SNTG1: variants seen among roughly 807,000 people sequenced by gnomAD.
SNTG1 encodes the protein syntrophin gamma 1, also known as gamma-1-syntrophin.
A neutral mutation model predicts 74.7 loss-of-function variants in SNTG1; 39 were observed. The ratio of observed to expected loss-of-function variants is 0.52; its 90% CI spans 0.40 to 0.68. SNTG1 has a LOEUF of 0.68. Ranked by LOEUF, SNTG1 falls within the 30% of genes least tolerant of loss-of-function variation. SNTG1 has a pLI of 0.00. For missense variants in SNTG1, 685 were observed against 609.5 expected, an observed-to-expected ratio of 1.12 and a Z score of -1.30; for synonymous variants, 254 against 217.1, an observed-to-expected ratio of 1.17 and a Z score of -1.49.
At chr8:50,759,467 T>C (rs1171853963) in intron 18 of SNTG1, among the ~76,000 whole-genome samples, 1 of 152,064 alleles carries the variant, frequency 6.6e-6, no homozygotes, top group Admixed American at 6.6e-5. Flanking sequence ...CTTTAATCCA[T>C]CTTGAGTTAA....
chr8:50,732,117 C>G (rs1484933243), intron 17 of SNTG1, among the ~76,000 whole-genome samples: 3 of 151,958 alleles, frequency 2.0e-5, no homozygotes, highest in Non-Finnish European at 2.9e-5. Flanking sequence ...AATACACATT[C>G]TTATAGCCAG....
intron 17 of SNTG1, among the ~76,000 whole-genome samples, chr8:50,720,370 A>G (rs942576308): frequency 1.3e-5 from 2 of 152,196 alleles, no homozygotes; most frequent in African/African-American, 2.4e-5. Context: ...TATTACCACA[A>G]TATCTTCCAA....
At chr8:50,191,290 T>A in intron 2 of SNTG1, among the ~76,000 whole-genome samples, 1 of 152,166 alleles carries the variant, frequency 6.6e-6, no homozygotes, top group Non-Finnish European at 1.5e-5. Flanking sequence ...GTAACAGATA[T>A]TTTATCCTTT....
Position 50,059,257 on chromosome 8 carries a change from T to G in SNTG1, c.-102-113304T>G, listed in dbSNP as rs138667142. Among the ~76,000 whole-genome samples the G allele has an allele frequency of 5.3e-3, 813 of 152,258 alleles. 10 individuals are homozygous for G. Among genetic ancestry groups the G allele is most frequent in the African/African-American group, 0.015 (633 of 41,560 alleles). ...TAAGTTTTCATTTCACTGAGATAAATGTTCATCATTAAGATTGCCAGATTG... is the reference window on the plus strand; with the variant it reads ...TAAGTTTTCATTTCACTGAGATAAAGGTTCATCATTAAGATTGCCAGATTG... On this transcript the variant is annotated intron_variant, in intron 1 of 18. Coordinates refer to ENST00000642720, the MANE Select transcript of SNTG1 (RefSeq NM_018967.5).
intron 1 of SNTG1, among the ~76,000 whole-genome samples, chr8:50,170,992 C>T (rs959791881): frequency 6.6e-6 from 1 of 152,108 alleles, no homozygotes; most frequent in Admixed American, 6.5e-5. Flanking sequence ...TATGGCCACC[C>T]AGTTAATCTC....
intron 13 of SNTG1, among the ~76,000 whole-genome samples, chr8:50,610,520 G>C (rs980231156): frequency 3.9e-5 from 6 of 152,160 alleles, no homozygotes; most frequent in African/African-American, 1.4e-4. Context: ...AAATTTGTCA[G>C]TGTCTGACAA....
chr8:50,393,823 AG>A (rs1369333711), intron 2 of SNTG1, among the ~76,000 whole-genome samples: 7 of 152,186 alleles, frequency 4.6e-5, no homozygotes, highest in African/African-American at 1.7e-4. Flanking sequence ...ACCATATGAA[AG>A]GCAACTTTTA....
At chr8:50,532,803 G>A (rs1301666423) in intron 10 of SNTG1, among the ~76,000 whole-genome samples, 4 of 152,134 alleles carry the variant, frequency 2.6e-5, no homozygotes. Context: ...CACAGAATAT[G>A]TGTATATTAT....
At chr8:49,949,311 A>G (rs1809494089) in intron 1 of SNTG1, among the ~76,000 whole-genome samples, 1 of 152,228 alleles carries the variant, frequency 6.6e-6, no homozygotes, top group African/African-American at 2.4e-5. Context: ...AAACTATTCT[A>G]TTTTATTTTA....
intron 2 of SNTG1, among the ~76,000 whole-genome samples, chr8:50,362,436 C>A (rs190872404): frequency 6.6e-6 from 1 of 152,178 alleles, no homozygotes; most frequent in East Asian, 1.9e-4. Flanking sequence ...AAGTATTGGA[C>A]ACTTCAAAGA....
At chr8:50,220,180 C>T (rs1272897152) in intron 2 of SNTG1, among the ~76,000 whole-genome samples, 1 of 151,972 alleles carries the variant, frequency 6.6e-6, no homozygotes, top group Non-Finnish European at 1.5e-5. Context: ...TACCACAATC[C>T]TCAACATCAC....
intron 8 of SNTG1, among the ~76,000 whole-genome samples, chr8:50,478,703 C>G (rs867055392): frequency 6.6e-6 from 1 of 152,082 alleles, no homozygotes; most frequent in African/African-American, 2.4e-5. Context: ...TTCCAGACAG[C>G]TCTGTTATTT....
chr8:50,241,633 A>G (rs892560468), intron 2 of SNTG1, among the ~76,000 whole-genome samples: 2 of 152,158 alleles, frequency 1.3e-5, no homozygotes, highest in Admixed American at 1.3e-4. Flanking sequence ...GTTTACGTGA[A>G]CAGACTTTAC....
intron 12 of SNTG1, among the ~76,000 whole-genome samples, chr8:50,576,969 G>A (rs1367910831): frequency 6.6e-6 from 1 of 151,848 alleles, no homozygotes; most frequent in African/African-American, 2.4e-5. Flanking sequence ...AATTACAGCT[G>A]CTAGGACTTG....
At chr8:50,610,154 G>T (rs1344208200) in intron 13 of SNTG1, among the ~76,000 whole-genome samples, 1 of 152,144 alleles carries the variant, frequency 6.6e-6, no homozygotes, top group East Asian at 1.9e-4. Context: ...GTAGCTGTAG[G>T]ATCTGTCTCC....
chr8:50,517,638 A>AAAAAAAAAAAAG, intron 9 of SNTG1, among the ~76,000 whole-genome samples: 1 of 148,350 alleles, frequency 6.7e-6, no homozygotes, highest in Non-Finnish European at 1.5e-5. Context: ...AAAAAAAAAA[A>AAAAAAAAAAAAG]TAGCAGGGGT....
intron 11 of SNTG1, among the ~76,000 whole-genome samples, chr8:50,548,204 G>T (rs996997512): frequency 7.2e-5 from 11 of 152,186 alleles, no homozygotes; most frequent in African/African-American, 2.4e-4. Flanking sequence ...GAAGTAGTAA[G>T]ATTGGAGTGA....
intron 2 of SNTG1, among the ~76,000 whole-genome samples, chr8:50,255,791 A>T (rs910830109): frequency 2.6e-5 from 4 of 152,180 alleles, no homozygotes; most frequent in African/African-American, 9.7e-5. Flanking sequence ...ATTTCCCCCC[A>T]AAATGTCACA....
chr8:50,137,377 C>T (rs1205275783), intron 1 of SNTG1, among the ~76,000 whole-genome samples: 2 of 152,164 alleles, frequency 1.3e-5, no homozygotes, highest in African/African-American at 2.4e-5. Context: ...GACCACAGCT[C>T]TCACTGCCTG....
Sources: gnomAD v4.1 joint callset for allele counts (sites outside exome capture counted in the v4.1 genomes callset) on GRCh38, gnomAD v4.1.1 for gene constraint, MANE v1.5 for transcripts, NCBI Gene and HGNC (gene_info 2026-07-23, HGNC 2026-07-21) for gene names.